The following RGS6 variants were observed in gnomAD, a reference collection of about 807,000 sequenced individuals.
RGS6 encodes the protein regulator of G-protein signaling 6.
In RGS6, 30 loss-of-function variants were observed where a neutral mutation model predicts 78.5. The observed-to-expected ratio is 0.38, with a 90% CI of 0.29 to 0.52. The LOEUF (loss-of-function observed/expected upper bound fraction) is 0.52. Among genes scored for constraint, RGS6 ranks in the 20% least tolerant of loss-of-function variants. RGS6 has a pLI of 0.85. For synonymous variants in RGS6, 206 were observed against 206.0 expected (o/e 1.00, Z 0.00); for missense variants, 495 against 609.7 (o/e 0.81, Z 1.98).
At chr14:72,134,672 T>C (rs1284597453) in intron 2 of RGS6, among the ~76,000 whole-genome samples, 2 of 152,150 alleles carry the variant, frequency 1.3e-5, no homozygotes, top group African/African-American at 2.4e-5. Context: ...AGAAACTCCA[T>C]AATCTGCAGT....
Position 72,298,684 on chromosome 14 carries a change from G to A in RGS6, c.85-53411G>A, listed in dbSNP as rs1481054889. On this transcript the variant is annotated intron_variant, in intron 2 of 17. Transcript: ENST00000553525. ...AGGATGGTCTCCATCTCCTGACCTC[G>A]TGGTCCACCCGCCTCGGCCTCCCAG... Among the ~76,000 whole-genome samples the A allele has an allele frequency of 1.1e-4, 16 of 152,066 alleles. No individual in the cohort carries two copies. In the South Asian group the frequency reaches 2.1e-3, roughly 20 times the overall value.
chr14:72,217,877 A>G (rs1361938218), intron 2 of RGS6, among the ~76,000 whole-genome samples: 4 of 152,224 alleles, frequency 2.6e-5, no homozygotes, highest in African/African-American at 9.6e-5. Flanking sequence ...AAATGTATGT[A>G]CATCTATATA....
chr14:72,137,403 TAAC>T (rs542404142), intron 2 of RGS6, among the ~76,000 whole-genome samples: 10 of 152,226 alleles, frequency 6.6e-5, no homozygotes, highest in Non-Finnish European at 1.5e-4. Flanking sequence ...GGCCCGGTTC[TAAC>T]ACTGTCTACC....
intron 16 of RGS6, among the ~76,000 whole-genome samples, chr14:72,539,547 C>A (rs10143376): frequency 6.6e-6 from 1 of 152,172 alleles, no homozygotes; most frequent in South Asian, 2.1e-4. Context: ...TAGATAACTT[C>A]GCTTCCCCGG....
At chr14:72,260,787 A>T (rs1200654165) in intron 2 of RGS6, among the ~76,000 whole-genome samples, 2 of 152,206 alleles carry the variant, frequency 1.3e-5, no homozygotes, top group Non-Finnish European at 2.9e-5. Flanking sequence ...GATGCTTCCA[A>T]CATACAGTAT....
chr14:71,878,218 G>T, the RGS6 span, among the ~76,000 whole-genome samples: 1 of 152,194 alleles, frequency 6.6e-6, no homozygotes, highest in Non-Finnish European at 1.5e-5. Flanking sequence ...TGTCAGACAG[G>T]GACGTTTAAG....
intron 1 of RGS6, among the ~76,000 whole-genome samples, chr14:71,935,166 T>C (rs1043793888): frequency 6.6e-6 from 1 of 152,132 alleles, no homozygotes; most frequent in African/African-American, 2.4e-5. Flanking sequence ...AGGAAAGAAA[T>C]AGAATTACAA....
intron 2 of RGS6, among the ~76,000 whole-genome samples, chr14:72,067,678 A>G (rs1279477654): frequency 6.6e-6 from 1 of 152,090 alleles, no homozygotes; most frequent in East Asian, 1.9e-4. Context: ...AACTTTAAAA[A>G]CTTAAAAAAA....
At chr14:72,304,062 A>C (rs565896578) in intron 2 of RGS6, among the ~76,000 whole-genome samples, 1 of 152,208 alleles carries the variant, frequency 6.6e-6, no homozygotes. Flanking sequence ...AGCCCATGAC[A>C]TTAGTCACAT....
At chr14:72,096,642 G>GC (rs2095414269) in intron 2 of RGS6, among the ~76,000 whole-genome samples, 1 of 152,164 alleles carries the variant, frequency 6.6e-6, no homozygotes, top group East Asian at 1.9e-4. Flanking sequence ...CTCTTAAATG[G>GC]CAGCTGGGGC....
At chr14:71,890,302 T>C in the RGS6 span, among the ~76,000 whole-genome samples, 1 of 151,610 alleles carries the variant, frequency 6.6e-6, no homozygotes, top group Admixed American at 6.6e-5. Flanking sequence ...GCCGGTAGGA[T>C]TAGTCTGATT....
chr14:72,489,155 GGC>G (rs1566967048), intron 12 of RGS6, among the ~76,000 whole-genome samples: 21 of 116,520 alleles, frequency 1.8e-4, no homozygotes, highest in African/African-American at 3.6e-4. Context: ...GGACAAAGGG[GGC>G]CCCCCCACCG....
chr14:71,974,327 ACATTTTTTTGAT>A (rs2093991128), intron 2 of RGS6, among the ~76,000 whole-genome samples: 1 of 152,224 alleles, frequency 6.6e-6, no homozygotes, highest in Admixed American at 6.5e-5. Flanking sequence ...GAAAATGGAC[ACATTTTTTTGAT>A]CAGCATTCTC....
intron 2 of RGS6, among the ~76,000 whole-genome samples, chr14:72,088,860 G>C (rs915703018): frequency 6.6e-6 from 1 of 152,082 alleles, no homozygotes; most frequent in South Asian, 2.1e-4. Context: ...GTCACTCCAA[G>C]CTCATTCCCT....
chr14:72,059,151 C>T (rs1448994757), intron 2 of RGS6, among the ~76,000 whole-genome samples: 1 of 152,236 alleles, frequency 6.6e-6, no homozygotes, highest in Non-Finnish European at 1.5e-5. Context: ...CCGCCTGCCT[C>T]AGCCTCCCAC....
intron 2 of RGS6, among the ~76,000 whole-genome samples, chr14:72,092,311 A>G (rs2095294163): frequency 6.6e-6 from 1 of 151,826 alleles, no homozygotes; most frequent in Non-Finnish European, 1.5e-5. Flanking sequence ...TTTTTGAAGG[A>G]TGGCTATGGG....
chr14:72,493,592 C>G (rs549740318), intron 12 of RGS6, among the ~76,000 whole-genome samples: 1 of 152,202 alleles, frequency 6.6e-6, no homozygotes, highest in Non-Finnish European at 1.5e-5. Context: ...ATTTTCTTAT[C>G]TATCACACAC....
At chr14:72,496,860 A>G (rs1266060837) in intron 13 of RGS6, among the ~76,000 whole-genome samples, 1 of 152,194 alleles carries the variant, frequency 6.6e-6, no homozygotes, top group African/African-American at 2.4e-5. Context: ...ACATATATAT[A>G]TATAGTCCAA....
the RGS6 span, among the ~76,000 whole-genome samples, chr14:71,918,086 C>A: frequency 6.9e-6 from 1 of 145,492 alleles, no homozygotes; most frequent in Admixed American, 7.2e-5. Flanking sequence ...GAGGCTGAGG[C>A]AGGAGAATGG....
Sources: gnomAD v4.1 joint callset for allele counts (sites outside exome capture counted in the v4.1 genomes callset) on GRCh38, gnomAD v4.1.1 for gene constraint, MANE v1.5 for transcripts, NCBI Gene and HGNC (gene_info 2026-07-23, HGNC 2026-07-21) for gene names.